The following GLIS3 variants were observed in gnomAD, a reference collection of about 807,000 sequenced individuals.
GLIS3 encodes zinc finger protein GLIS3.
In GLIS3, 53 loss-of-function variants were observed where a neutral mutation model predicts 78.6. The observed-to-expected ratio is 0.67, with a 90% CI of 0.54 to 0.85. The LOEUF is 0.85. GLIS3 is among the 40% of genes least tolerant of loss of function. The pLI is 0.00. For synonymous variants in GLIS3, 684 were observed against 509.9 expected, an observed-to-expected ratio of 1.34 and a Z score of -4.60; for missense variants, 1,703 against 1,231.1, an observed-to-expected ratio of 1.38 and a Z score of -5.74.
At chr9:4,271,573 G>A (rs1399775024) in intron 2 of GLIS3, among the ~76,000 whole-genome samples, 1 of 152,166 alleles carries the variant, frequency 6.6e-6, no homozygotes, top group African/African-American at 2.4e-5. Context: ...ATAAGCAAGT[G>A]GCATATTCTT....
intron 7 of GLIS3, among the ~76,000 whole-genome samples, chr9:3,886,620 A>C (rs1822092902): frequency 6.6e-6 from 1 of 152,218 alleles, no homozygotes; most frequent in African/African-American, 2.4e-5. Context: ...AGGCATTCTG[A>C]AGAAAATTAC....
intron 2 of GLIS3, among the ~76,000 whole-genome samples, chr9:4,134,234 T>A (rs1402994905): frequency 6.6e-6 from 1 of 152,158 alleles, no homozygotes; most frequent in African/African-American, 2.4e-5. Context: ...TCACTTGCAA[T>A]TGAAGTTTTT....
the GLIS3 span, among the ~76,000 whole-genome samples, chr9:4,393,147 A>G: frequency 7.9e-5 from 12 of 152,228 alleles, no homozygotes; most frequent in Admixed American, 2.6e-4. Context: ...GGAACTCTGT[A>G]TATCTTTTAC....
In GLIS3 at chr9:3,933,316, A is replaced by T. The variant is rs142073557; in HGVS notation, c.1873-846T>A. Among the ~76,000 whole-genome samples the T allele has an allele frequency of 3.2e-3, 486 of 152,210 alleles. 3 individuals are homozygous for T. The highest frequency in any genetic ancestry group is 0.011 in the African/African-American group (462 of 41,526). On this transcript the variant is annotated intron_variant, in intron 5 of 10. Transcript: ENST00000381971. ...TCAGCTTCCTGAGTAGCTGGGATTAAAGGTGTGTGCCACCACGCCCAGCAC... is the reference window on the plus strand; with the variant it reads ...TCAGCTTCCTGAGTAGCTGGGATTATAGGTGTGTGCCACCACGCCCAGCAC...
rs1184029021 is a variant in GLIS3, at chr9:4,335,008, A to T, written n.264+12073T>A. Among the ~76,000 whole-genome samples the T allele has an allele frequency of 4.2e-5, 6 of 141,896 alleles. No homozygotes were observed. In the Admixed American group the frequency reaches 4.7e-4, roughly 11 times the overall value. The allele number at this position is 141,896 out of a possible 152,430, so 93.1% of individuals were successfully genotyped here. A position where few individuals can be genotyped will look rare whatever the true frequency, so the allele number is the denominator to read the frequency against. ...ACCGCAAGCTCCACCTCCCGGGTTC[A>T]TGCCATTCTCCTGCCTCAGCCTCCC... On this transcript the variant is annotated intron_variant and non_coding_transcript_variant, in intron 2 of 4. Transcript: ENST00000471664.
chr9:4,408,429 TAAAA>T, the GLIS3 span, among the ~76,000 whole-genome samples: 5 of 134,208 alleles, frequency 3.7e-5, no homozygotes, highest in African/African-American at 1.4e-4. Flanking sequence ...TAATGGATAT[TAAAA>T]AAAAAAAAAA....
the GLIS3 span, among the ~76,000 whole-genome samples, chr9:4,398,552 C>G: frequency 6.6e-6 from 1 of 152,006 alleles, no homozygotes; most frequent in Non-Finnish European, 1.5e-5. Flanking sequence ...CTTCCACCCC[C>G]TGCTCCAGCT....
At chr9:4,196,270 G>A (rs886935865) in intron 2 of GLIS3, among the ~76,000 whole-genome samples, 1 of 152,194 alleles carries the variant, frequency 6.6e-6, no homozygotes, top group Non-Finnish European at 1.5e-5. Flanking sequence ...TGTCAAAACA[G>A]TCCAATCAGC....
At chr9:4,182,158 T>C (rs1414098959) in intron 2 of GLIS3, among the ~76,000 whole-genome samples, 1 of 152,236 alleles carries the variant, frequency 6.6e-6, no homozygotes, top group Non-Finnish European at 1.5e-5. Flanking sequence ...TGGGGTTTGT[T>C]AACGTTATTG....
At chr9:4,442,427 G>T in the GLIS3 span, among the ~76,000 whole-genome samples, 2 of 151,962 alleles carry the variant, frequency 1.3e-5, no homozygotes, top group African/African-American at 4.8e-5. Flanking sequence ...ACCCCCTAAA[G>T]AATTTCAACT....
chr9:4,330,838 C>G (rs1333272976), intron 2 of GLIS3, among the ~76,000 whole-genome samples: 1 of 152,122 alleles, frequency 6.6e-6, no homozygotes, highest in Non-Finnish European at 1.5e-5. Flanking sequence ...CATCCACCAC[C>G]AGCACCAGGC....
the GLIS3 span, among the ~76,000 whole-genome samples, chr9:4,388,402 G>A: frequency 6.6e-6 from 1 of 152,070 alleles, no homozygotes; most frequent in African/African-American, 2.4e-5. Flanking sequence ...GGCAGGGCCA[G>A]GTGTGGTGGC....
At chr9:4,460,610 C>A in the GLIS3 span, among the ~76,000 whole-genome samples, 1 of 133,566 alleles carries the variant, frequency 7.5e-6, no homozygotes, top group Admixed American at 8.9e-5. Context: ...GTGCTGTTGA[C>A]ATCTCACTAA....
intron 2 of GLIS3, among the ~76,000 whole-genome samples, chr9:4,223,031 A>G (rs1323121696): frequency 6.6e-6 from 1 of 152,180 alleles, no homozygotes; most frequent in South Asian, 2.1e-4. Flanking sequence ...GGATCTTTCC[A>G]AGAAAGAGAA....
the GLIS3 span, among the ~76,000 whole-genome samples, chr9:4,407,510 G>A: frequency 2.6e-5 from 4 of 152,198 alleles, no homozygotes; most frequent in East Asian, 1.9e-4. Flanking sequence ...AGCCGGGCGT[G>A]GTGGCGGGCG....
chr9:4,196,931 T>C (rs1313340063), intron 2 of GLIS3, among the ~76,000 whole-genome samples: 1 of 152,156 alleles, frequency 6.6e-6, no homozygotes, highest in Non-Finnish European at 1.5e-5. Flanking sequence ...TAGGGCCCTC[T>C]CCGCTCCACC....
chr9:4,282,992 C>T (rs141139292), intron 2 of GLIS3, among the ~76,000 whole-genome samples: 268 of 152,168 alleles, frequency 1.8e-3, no homozygotes, highest in Non-Finnish European at 3.1e-3. Flanking sequence ...CCATGACATG[C>T]ACCAGGATTT....
At chr9:4,076,926 G>A (rs1214829189) in intron 4 of GLIS3, among the ~76,000 whole-genome samples, 1 of 152,154 alleles carries the variant, frequency 6.6e-6, no homozygotes, top group Non-Finnish European at 1.5e-5. Flanking sequence ...ATGCATGGAA[G>A]CACATGCCTG....
chr9:4,295,420 T>C (rs1816392782), intron 1 of GLIS3, among the ~76,000 whole-genome samples: 1 of 152,216 alleles, frequency 6.6e-6, no homozygotes, highest in African/African-American at 2.4e-5. Flanking sequence ...GCCTCACTAA[T>C]TTCTGCAAGC....
Sources: allele counts gnomAD v4.1 joint callset (sites outside exome capture counted in the v4.1 genomes callset), GRCh38; gene constraint gnomAD v4.1.1; transcripts MANE v1.5; gene names NCBI Gene and HGNC (gene_info 2026-07-23, HGNC 2026-07-21).